Variants in ADAMTS9 observed in about 807,000 individuals in gnomAD.
ADAMTS9 encodes A disintegrin and metalloproteinase with thrombospondin motifs 9.
In ADAMTS9, 107 loss-of-function variants were observed where a neutral mutation model predicts 257.1. The observed-to-expected ratio is 0.42, with a 90% CI of 0.36 to 0.49. ADAMTS9 has a LOEUF of 0.49. ADAMTS9 is among the 20% of genes least tolerant of loss of function. The pLI, the probability that ADAMTS9 is intolerant of heterozygous loss-of-function variation, is 0.03. For synonymous variants in ADAMTS9, 982 were observed against 880.9 expected (o/e 1.11, Z -2.03); for missense variants, 2,353 against 2,469.1 (o/e 0.95, Z 1.00).
intron 32 of ADAMTS9, among the ~76,000 whole-genome samples, chr3:64,542,430 C>CCTTCTT (rs2083137159): frequency 8.0e-6 from 1 of 124,564 alleles, no homozygotes. Flanking sequence ...TTCTTTCTTT[C>CCTTCTT]TTTTTTTTTT....
At chr3:64,606,096 G>C (rs2084552003) in intron 23 of ADAMTS9, among the ~76,000 whole-genome samples, 1 of 152,176 alleles carries the variant, frequency 6.6e-6, no homozygotes, top group Non-Finnish European at 1.5e-5. Context: ...GCCAGAACTT[G>C]ACTCACTGAC....
In ADAMTS9 at chr3:64,650,866, GCT is replaced by G. The variant is rs1700914416; in HGVS notation, c.1463+149_1463+150del. 4 of 632,992 alleles carry G rather than the reference GCT, an allele frequency of 6.3e-6. No individual in the cohort carries two copies. In the South Asian group the frequency reaches 9.4e-5, roughly 15 times the overall value. 39.2% of individuals were successfully genotyped at this position (632,992 alleles called of 1,614,324 possible). ...ATATGAACTACACAGATGTCAGAGA[GCT>G]TTTTTTTTTTTTTTTTGCCTTCTCC... On this transcript the variant is annotated intron_variant, in intron 9 of 39. Transcript: ENST00000498707.
At position 64,594,295 on chromosome 3, in the gene ADAMTS9, G is replaced by A; in HGVS notation, c.4319C>T (p.Pro1440Leu). Residue 1440 changes from proline to leucine, a missense_variant, in exon 28 of 40, where the codon CCA (proline) becomes CTA (leucine). Physicochemically the swap from Pro to Leu is moderately conservative, Grantham distance 98. Coordinates refer to ENST00000498707, the MANE Select transcript of ADAMTS9 (RefSeq NM_182920.2). ...DREQCNTHAC[P>L]HDAAWSTGPW... ...GCCAGTACTCCATGCAGCGTCGTGTGGACAAGCATGTGTGTTACACTGCTC... is the reference window on the plus strand; with the variant it reads ...GCCAGTACTCCATGCAGCGTCGTGTAGACAAGCATGTGTGTTACACTGCTC... 1 of 1,612,914 alleles carries A rather than the reference G, an allele frequency of 6.2e-7. No homozygotes were observed. Among genetic ancestry groups the A allele is most frequent in the Non-Finnish European group, 8.5e-7 (1 of 1,179,626 alleles).
chr3:64,529,864 G>A (rs1057238941), intron 38 of ADAMTS9, among the ~76,000 whole-genome samples: 1 of 152,106 alleles, frequency 6.6e-6, no homozygotes, highest in African/African-American at 2.4e-5. Flanking sequence ...TGTTGCCCAG[G>A]CTGGAGTACA....
At chr3:64,618,280 G>A (rs1423403905) in intron 19 of ADAMTS9, among the ~76,000 whole-genome samples, 3 of 152,044 alleles carry the variant, frequency 2.0e-5, no homozygotes, top group African/African-American at 4.8e-5. Flanking sequence ...TTAATTAGAG[G>A]TGCTATTATT....
rs550028966 is a variant in ADAMTS9, at chr3:64,546,758, G to A, written c.5064C>T (p.Ser1688=). ...TTTGAGTGCTCAGTCTTCTACTTAC[G>A]CTCCCCCAGTTGCCAACTCTCCAGG... is the stretch of plus-strand genomic sequence containing the variant. ...SATWRVGNWG[S]CSVSCGVGVM... Residue 1688 remains serine (S), a splice_region_variant and synonymous_variant, in exon 32 of 40, where the codon AGC becomes AGT. Transcript: ENST00000498707. 3.4e-5 allele frequency: 55 copies of A among 1,595,500 alleles called. 1 individual carries two copies. The highest frequency in any genetic ancestry group is 2.1e-4 in the African/African-American group (16 of 74,552).
chr3:64,643,445 ATTTTTTTT>A (rs57471985), intron 11 of ADAMTS9, among the ~76,000 whole-genome samples: 9 of 61,416 alleles, frequency 1.5e-4, no homozygotes, highest in Admixed American at 4.7e-4. Flanking sequence ...TTACTCAATA[ATTTTTTTT>A]TTTTTTTTTT....
At position 64,659,032 on chromosome 3, in the gene ADAMTS9, G is replaced by A. The variant is rs145434425; in HGVS notation, c.680-241C>T. On this transcript the variant is annotated intron_variant, in intron 3 of 39. Transcript: ENST00000498707. Reference sequence around the variant, plus strand: ...CTTACGGTATTAGAAAATCAGGCCCGAGCTTAAGGGAAACAATTGCACGTG... The same window carrying A: ...CTTACGGTATTAGAAAATCAGGCCCAAGCTTAAGGGAAACAATTGCACGTG... Among the ~76,000 whole-genome samples the A allele has an allele frequency of 4.0e-3, 602 of 152,240 alleles. 9 individuals are homozygous for A. The highest frequency in any genetic ancestry group is 0.013 in the African/African-American group (552 of 41,538).
intron 16 of ADAMTS9, among the ~76,000 whole-genome samples, chr3:64,628,888 C>A (rs1055402255): frequency 6.6e-6 from 1 of 152,162 alleles, no homozygotes; most frequent in African/African-American, 2.4e-5. Flanking sequence ...GATGTAAAGA[C>A]CCTGCCCTAA....
rs192141343 is a variant in ADAMTS9 at position 64,667,529 on chromosome 3, C to T, written c.680-8738G>A. On this transcript the variant is annotated intron_variant, in intron 3 of 39. Coordinates refer to ENST00000498707, the MANE Select transcript of ADAMTS9 (RefSeq NM_182920.2). ...GAGAAGCTTCTTGGCTTTTAAGGGG[C>T]GGTGGTGGGCAGTGGAAGGTGTCTG... 1.6e-3 allele frequency among the ~76,000 whole-genome samples: 243 copies of T among 152,132 alleles called. 3 individuals carry two copies. Among genetic ancestry groups the T allele is most frequent in the Admixed American group, 1.5e-3 (23 of 15,284 alleles).
intron 38 of ADAMTS9, among the ~76,000 whole-genome samples, chr3:64,525,441 A>G (rs1044170938): frequency 6.6e-6 from 1 of 152,134 alleles, no homozygotes; most frequent in Non-Finnish European, 1.5e-5. Context: ...ATTTGTGCCT[A>G]CATTTTAGGA....
intron 12 of ADAMTS9, among the ~76,000 whole-genome samples, chr3:64,636,275 A>G (rs1021050864): frequency 6.6e-6 from 1 of 152,178 alleles, no homozygotes; most frequent in East Asian, 1.9e-4. Context: ...TTTATAAAAA[A>G]CATTTTTTAT....
chr3:64,651,033 T>C lies in ADAMTS9; in HGVS notation c.1447A>G (p.Ile483Val), dbSNP rs779442950. ...AAGTCTTACTCTAAAAACTCAGTGA[T>C]ATATTTTCGACTACACTTTGACCAC... ...WMWSKCSRKY[I>V]TEFLDTGYGE... Residue 483 changes from isoleucine to valine, a missense_variant, in exon 9 of 40, where the codon ATC (isoleucine) becomes GTC (valine). Coordinates refer to ENST00000498707, the MANE Select transcript of ADAMTS9 (RefSeq NM_182920.2). 22 of 1,604,886 alleles carry C rather than the reference T, an allele frequency of 1.4e-5. No homozygotes were observed. In the East Asian group the frequency reaches 4.3e-4, roughly 31 times the overall value.
intron 38 of ADAMTS9, among the ~76,000 whole-genome samples, chr3:64,532,583 A>G (rs1379488830): frequency 6.6e-6 from 1 of 152,164 alleles, no homozygotes; most frequent in African/African-American, 2.4e-5. Context: ...ACTCTGACTC[A>G]CTAGGGTCTG....
intron 39 of ADAMTS9, among the ~76,000 whole-genome samples, chr3:64,519,442 ATTCTATGAAAC>A (rs959886188): frequency 1.6e-4 from 24 of 152,288 alleles, no homozygotes; most frequent in African/African-American, 5.1e-4. Context: ...TTCCTAACTC[ATTCTATGAAAC>A]CTCTATCATC....
At chr3:64,678,813 C>T (rs1307508540) in intron 3 of ADAMTS9, among the ~76,000 whole-genome samples, 1 of 152,162 alleles carries the variant, frequency 6.6e-6, no homozygotes, top group Non-Finnish European at 1.5e-5. Context: ...TTCTGAGAAG[C>T]TGCATCTGAA....
At chr3:64,638,838 T>C (rs982728468) in intron 12 of ADAMTS9, among the ~76,000 whole-genome samples, 2 of 151,714 alleles carry the variant, frequency 1.3e-5, no homozygotes, top group African/African-American at 4.8e-5. Flanking sequence ...GGATGCTAAA[T>C]AAATACACTC....
Position 64,568,431 on chromosome 3 carries a change from TGGCTTAGCCA to T in ADAMTS9, c.4451_4460del (p.Leu1484HisfsTer45). The T allele has an allele frequency of 6.2e-7, 1 of 1,613,908 alleles. No homozygotes were observed. Among genetic ancestry groups the T allele is most frequent in the Non-Finnish European group, 8.5e-7 (1 of 1,179,966 alleles). ...CTCCTCGGCACTTTCTGTGCCCATG[TGGCTTAGCCA>T]GGTGCTTACAGTAATCACTTTCTAA... On this transcript the variant is annotated frameshift_variant, in exon 29 of 40. Transcript: ENST00000498707. LOFTEE classifies it high-confidence loss of function.
At position 64,686,691 on chromosome 3, in the gene ADAMTS9, C is replaced by A. The variant is rs1273342321; in HGVS notation, c.393G>T (p.Thr131=). The A allele has an allele frequency of 6.2e-7, 1 of 1,614,166 alleles. No homozygotes were observed. The highest frequency in any genetic ancestry group is 8.5e-7 in the Non-Finnish European group (1 of 1,180,048). Residue 131 remains threonine (T), a synonymous_variant, in exon 2 of 40, where the codon ACG becomes ACT. Coordinates refer to ENST00000498707, the MANE Select transcript of ADAMTS9 (RefSeq NM_182920.2). This position sits in a 1 kb window ranked among gnomAD's most constrained non-coding sequence, Gnocchi z 4.6. The stretch of plus-strand genomic sequence containing the variant: ...AAAACTTGGTCTGATTCACCCCGGG[C>A]GTCCCGAGGAGGGTGACAGTGAACA... ...APLFTVTLLG[T]PGVNQTKFYS...
Sources: allele counts gnomAD v4.1 joint callset (sites outside exome capture counted in the v4.1 genomes callset), GRCh38; gene constraint gnomAD v4.1.1; non-coding constraint Gnocchi (gnomAD v3.1); transcripts MANE v1.5; gene names NCBI Gene and HGNC (gene_info 2026-07-23, HGNC 2026-07-21).